Variants in ABI2 observed in about 807,000 individuals in gnomAD.
ABI2 encodes the protein abl interactor 2, also known as abelson interactor 2.
In ABI2, 25 loss-of-function variants were observed where a neutral mutation model predicts 59.2. The ratio of observed to expected loss-of-function variants is 0.42; its 90% CI spans 0.31 to 0.59. The LOEUF (loss-of-function observed/expected upper bound fraction) is 0.59, where lower values mean the gene tolerates loss of function less well. ABI2 is among the 20% of genes least tolerant of loss of function. The probability of loss-of-function intolerance (pLI) is 0.14; values close to 1 mark genes in which losing one functional copy is unlikely to be tolerated. For missense variants in ABI2, 545 were observed against 681.8 expected, an observed-to-expected ratio of 0.80 and a Z score of 2.23; for synonymous variants, 213 against 235.5, an observed-to-expected ratio of 0.90 and a Z score of 0.87.
intron 1 of ABI2, among the ~76,000 whole-genome samples, chr2:203,336,970 T>G (rs2076748536): frequency 6.6e-6 from 1 of 152,112 alleles, no homozygotes; most frequent in Admixed American, 6.5e-5. Context: ...GGTTTTAAAA[T>G]TTTAGCTATT....
intron 1 of ABI2, among the ~76,000 whole-genome samples, chr2:203,339,005 TA>T (rs2078283514): frequency 1.1e-5 from 1 of 94,648 alleles, no homozygotes; most frequent in African/African-American, 4.7e-5. Flanking sequence ...TATATATATA[TA>T]TAAAGGATTC....
chr2:203,427,471 C>T lies in ABI2; in HGVS notation c.*119C>T. The T allele has an allele frequency of 2.3e-6, 2 of 860,906 alleles. No homozygotes were observed. Among genetic ancestry groups the T allele is most frequent in the Non-Finnish European group, 3.3e-6 (2 of 611,572 alleles). The allele number at this position is 860,906 out of a possible 1,614,324, so 53.3% of individuals were successfully genotyped here. On this transcript the variant is annotated 3_prime_UTR_variant, in exon 12 of 12. Transcript: ENST00000261018. ...AAGGATACAAATGATAAAAATTACACTTTTTTTTTTGGTTTATTCCCCAGT... is the reference window on the plus strand; with the variant it reads ...AAGGATACAAATGATAAAAATTACATTTTTTTTTTTGGTTTATTCCCCAGT...
intron 1 of ABI2, among the ~76,000 whole-genome samples, chr2:203,347,231 G>A (rs1186150377): frequency 6.6e-6 from 1 of 152,180 alleles, no homozygotes; most frequent in Non-Finnish European, 1.5e-5. Flanking sequence ...AGTGAGTTGA[G>A]TAATTCATTT....
chr2:203,377,115 C>T (rs1047340550), intron 2 of ABI2, among the ~76,000 whole-genome samples: 3 of 152,040 alleles, frequency 2.0e-5, no homozygotes, highest in Admixed American at 6.5e-5. Flanking sequence ...GTCAGGAGTT[C>T]AAGACCATCC....
intron 2 of ABI2, among the ~76,000 whole-genome samples, chr2:203,374,172 A>T (rs1252329241): frequency 1.3e-5 from 2 of 151,632 alleles, no homozygotes; most frequent in Non-Finnish European, 2.9e-5. Flanking sequence ...AACCCAAAAC[A>T]CAAAAACTTT....
chr2:203,394,633 C>T (rs1046744665), intron 5 of ABI2, 67 bp from the exon 6 acceptor site: 15 of 1,483,384 alleles, frequency 1.0e-5, no homozygotes, highest in Non-Finnish European at 1.1e-5. Flanking sequence ...CAACTGCTGG[C>T]AACTCTTTGA....
intron 11 of ABI2, among the ~76,000 whole-genome samples, chr2:203,420,417 G>A (rs1054536276): frequency 3.5e-5 from 5 of 144,764 alleles, no homozygotes; most frequent in East Asian, 2.0e-4. Context: ...TTTTTGAGAC[G>A]GAGTCTTGCT....
intron 5 of ABI2, among the ~76,000 whole-genome samples, chr2:203,391,836 A>AG (rs1036290683): frequency 6.6e-6 from 1 of 151,982 alleles, no homozygotes; most frequent in African/African-American, 2.4e-5. Flanking sequence ...AAAAAAAAAA[A>AG]AAGAAGAATA....
chr2:203,389,651 G>A lies in ABI2; in HGVS notation c.481-1395G>A, dbSNP rs539105263. Among the ~76,000 whole-genome samples the A allele has an allele frequency of 8.5e-5, 13 of 152,236 alleles. No individual in the cohort carries two copies. In the South Asian group the frequency reaches 2.5e-3, roughly 29 times the overall value. On this transcript the variant is annotated intron_variant, in intron 4 of 11. Coordinates refer to ENST00000261018, the MANE Select transcript of ABI2 (RefSeq NM_001375670.1). ...GACTACTCTAGCCATATTATTTTTAGAAAAGTTGAGGTCCTTTTTCAAAAT... is the reference window on the plus strand; with the variant it reads ...GACTACTCTAGCCATATTATTTTTAAAAAAGTTGAGGTCCTTTTTCAAAAT...
At chr2:203,333,251 C>T (rs1424672257) in intron 1 of ABI2, among the ~76,000 whole-genome samples, 1 of 152,122 alleles carries the variant, frequency 6.6e-6, no homozygotes, top group Admixed American at 6.5e-5. Context: ...ATTGCCCGAT[C>T]ATCTTGAATA....
intron 5 of ABI2, among the ~76,000 whole-genome samples, chr2:203,393,023 A>G (rs2096830684): frequency 6.6e-6 from 1 of 151,976 alleles, no homozygotes; most frequent in East Asian, 1.9e-4. Flanking sequence ...GTAGTTCTCA[A>G]TTATCAAATA....
At chr2:203,328,653 G>GC in intron 1 of ABI2, 22 bp downstream of exon 1, 1 of 1,501,472 alleles carries the variant, frequency 6.7e-7, no homozygotes, top group Non-Finnish European at 8.9e-7. Context: ...CCCCAGCTGG[G>GC]CCGCGTCGGG....
intron 4 of ABI2, chr2:203,386,510 C>G (rs1450488984): frequency 3.2e-6 from 2 of 632,202 alleles, no homozygotes; most frequent in South Asian, 7.5e-5. Flanking sequence ...TCTTTTAAAA[C>G]TTAACAAGTT....
At chr2:203,339,486 CAGG>C (rs748869435) in intron 1 of ABI2, among the ~76,000 whole-genome samples, 3 of 149,560 alleles carry the variant, frequency 2.0e-5, no homozygotes, top group Non-Finnish European at 3.0e-5. Flanking sequence ...GAGGCTGAAG[CAGG>C]AGAATTGCTT....
chr2:203,358,885 G>A (rs1021455180), intron 1 of ABI2, among the ~76,000 whole-genome samples: 2 of 152,120 alleles, frequency 1.3e-5, no homozygotes, highest in Non-Finnish European at 2.9e-5. Context: ...AATGATGCAC[G>A]TCTGTAATCT....
At chr2:203,397,951 C>G (rs574220406) in intron 8 of ABI2, among the ~76,000 whole-genome samples, 2 of 152,176 alleles carry the variant, frequency 1.3e-5, no homozygotes, top group East Asian at 1.9e-4. Context: ...GTCACCTCCC[C>G]CTAGGCCCCA....
intron 9 of ABI2, among the ~76,000 whole-genome samples, chr2:203,409,178 A>G (rs2097557109): frequency 6.6e-6 from 1 of 152,144 alleles, no homozygotes; most frequent in Non-Finnish European, 1.5e-5. Context: ...TTACCCTTGG[A>G]AACAGTATTA....
chr2:203,389,050 A>T (rs1372537182), intron 4 of ABI2, among the ~76,000 whole-genome samples: 1 of 152,202 alleles, frequency 6.6e-6, no homozygotes, highest in Non-Finnish European at 1.5e-5. Flanking sequence ...ACTTTAAAAA[A>T]ATCTTCTGGT....
chr2:203,339,592 AAAAAAG>A (rs2078689006), intron 1 of ABI2, among the ~76,000 whole-genome samples: 1 of 151,778 alleles, frequency 6.6e-6, no homozygotes, highest in Admixed American at 6.6e-5. Context: ...AAAAAAAAAA[AAAAAAG>A]AAAAAGAAAA....
Sources: gnomAD v4.1 joint callset for allele counts (sites outside exome capture counted in the v4.1 genomes callset) on GRCh38, gnomAD v4.1.1 for gene constraint, MANE v1.5 for transcripts, NCBI Gene and HGNC (gene_info 2026-07-23, HGNC 2026-07-21) for gene names.